UMOD: variants seen among roughly 807,000 people sequenced by gnomAD.
The protein encoded by UMOD is Tamm-Horsfall urinary glycoprotein.
In UMOD, 64 loss-of-function variants were observed where a neutral mutation model predicts 66.0. The ratio of observed to expected loss-of-function variants is 0.97; its 90% CI spans 0.79 to 1.19. UMOD has a LOEUF of 1.19. Among genes scored for constraint, UMOD ranks in the 50% most tolerant of loss-of-function variants. The probability of loss-of-function intolerance (pLI) is 0.00; values close to 1 mark genes in which losing one functional copy is unlikely to be tolerated. For missense variants in UMOD, 764 were observed against 850.9 expected (o/e 0.90, Z 1.27); for synonymous variants, 398 against 352.7 (o/e 1.13, Z -1.44).
intron 6 of UMOD, among the ~76,000 whole-genome samples, chr16:20,342,053 CAG>C (rs1693082387): frequency 6.6e-6 from 1 of 152,190 alleles, no homozygotes; most frequent in Non-Finnish European, 1.5e-5. Context: ...TAACTCGAGA[CAG>C]AGAGAGGGAC....
chr16:20,346,139 C>T lies in UMOD; in HGVS notation c.1169G>A (p.Gly390Glu), dbSNP rs1293467839. The T allele has an allele frequency of 6.2e-7, 1 of 1,613,926 alleles. No homozygotes were observed. The highest frequency in any genetic ancestry group is 1.1e-5 in the South Asian group (1 of 91,070). The stretch of plus-strand genomic sequence containing the variant: ...GCCAGGACGTACCGTCAACACTGTC[C>T]CACAGGGGCCATCCCGGGCTGGGGT... ...VVTPARDGPC[G>E]TVLTRNETHA... The change falls in exon 5 of 11, where the codon GGG (glycine) becomes GAG (glutamate). Residue 390 changes from glycine (G) to glutamate (E), a missense_variant. Gly to Glu is a moderately conservative substitution (Grantham distance 98). Coordinates refer to ENST00000396138, the MANE Select transcript of UMOD (RefSeq NM_003361.4).
At chr16:20,345,741 C>T (rs1160556531) in intron 5 of UMOD, among the ~76,000 whole-genome samples, 1 of 151,976 alleles carries the variant, frequency 6.6e-6, no homozygotes, top group African/African-American at 2.4e-5. Flanking sequence ...CAGACCTTGC[C>T]TTCCAGGACC....
intron 7 of UMOD, among the ~76,000 whole-genome samples, chr16:20,339,774 T>C (rs1965083858): frequency 6.6e-6 from 1 of 152,264 alleles, no homozygotes; most frequent in Non-Finnish European, 1.5e-5. Flanking sequence ...GCCCTCCCCC[T>C]TTAGAATATA....
intron 4 of UMOD, 88 bp downstream of exon 4, chr16:20,348,135 T>A (rs1965684994): frequency 6.0e-6 from 7 of 1,168,126 alleles, no homozygotes; most frequent in Non-Finnish European, 8.9e-6. Flanking sequence ...CATACCCATA[T>A]GGCCCCAATC....
At position 20,333,125 on chromosome 16, in the gene UMOD, T is replaced by A. The variant is rs1964682377; in HGVS notation, c.*189A>T. The A allele has an allele frequency of 4.6e-6, 3 of 650,588 alleles. No homozygotes were observed. The highest frequency in any genetic ancestry group is 5.6e-6 in the Non-Finnish European group (2 of 356,874). 40.3% of individuals were successfully genotyped at this position (650,588 alleles called of 1,614,324 possible). On this transcript the variant is annotated 3_prime_UTR_variant, in exon 11 of 11. Transcript: ENST00000396138. ...CTCAGGTACACCGTCACAAGTCCCA[T>A]TTTGAGAAAAAGCAGCATTTAAAGA...
At chr16:20,341,420 A>G (rs1004704011) in intron 6 of UMOD, 84 bp from the exon 7 acceptor site, 6 of 1,591,912 alleles carry the variant, frequency 3.8e-6, no homozygotes, top group Non-Finnish European at 5.1e-6. Flanking sequence ...ATTCCTAGGC[A>G]GTCCCTTGCA....
At chr16:20,353,148 C>T (rs1244351109), upstream of UMOD, among the ~76,000 whole-genome samples, 1 of 152,090 alleles carries the variant, frequency 6.6e-6, no homozygotes, top group Non-Finnish European at 1.5e-5. Context: ...GGGAGGTGCA[C>T]CTGTCTTGGA....
intron 6 of UMOD, among the ~76,000 whole-genome samples, chr16:20,343,194 T>C (rs1419552760): frequency 6.6e-6 from 1 of 151,436 alleles, no homozygotes; most frequent in East Asian, 1.9e-4. Context: ...ACTATAATTT[T>C]CCATCATTGG....
chr16:20,341,387 A>G, intron 6 of UMOD, 51 bp from the exon 7 acceptor site: 2 of 1,606,574 alleles, frequency 1.2e-6, no homozygotes, highest in Non-Finnish European at 1.7e-6. Flanking sequence ...ACATCTGCAG[A>G]TAGGCCACCT....
At chr16:20,350,060 C>A (rs1233264508) in intron 2 of UMOD, among the ~76,000 whole-genome samples, 1 of 152,000 alleles carries the variant, frequency 6.6e-6, no homozygotes, top group South Asian at 2.1e-4. Context: ...AGGGATTAAG[C>A]CCCTTACTCC....
intron 10 of UMOD, 94 bp from the exon 11 acceptor site, chr16:20,333,469 G>A: frequency 8.5e-7 from 1 of 1,174,878 alleles, no homozygotes; most frequent in Non-Finnish European, 1.2e-6. Flanking sequence ...CCAATCAGAA[G>A]AGGACACCCT....
chr16:20,348,895 C>G lies in UMOD; in HGVS notation c.406G>C (p.Val136Leu). Residue 136 changes from valine (V) to leucine (L), a missense_variant, in exon 3 of 11, where the codon GTA (valine) becomes CTA (leucine). Val to Leu is a conservative substitution (Grantham distance 32). Coordinates refer to ENST00000396138, the MANE Select transcript of UMOD (RefSeq NM_003361.4). ...CVNVVGSYLC[V>L]CPAGYRGDGW... ...TCCCCCCGGTAGCCCGCGGGGCATA[C>G]GCACAAGTAGCTGCCCACCACATTG... 1 of 1,556,972 alleles carries G rather than the reference C, an allele frequency of 6.4e-7. No individual in the cohort carries two copies. Among genetic ancestry groups the G allele is most frequent in the South Asian group, 1.2e-5 (1 of 84,666 alleles).
chr16:20,345,480 TTCCC>T (rs1358004978), intron 5 of UMOD, among the ~76,000 whole-genome samples: 24 of 28,232 alleles, frequency 8.5e-4, no homozygotes, highest in East Asian at 7.2e-3. Context: ...CCTTCCTTCC[TTCCC>T]TCCCTCCCTC....
chr16:20,351,971 T>C (rs1413414116), intron 1 of UMOD, among the ~76,000 whole-genome samples: 1 of 147,308 alleles, frequency 6.8e-6, no homozygotes, highest in Non-Finnish European at 1.5e-5. Context: ...TGAGCTGAGA[T>C]CGTGCCACTG....
At chr16:20,353,725 G>C (rs1253775884), upstream of UMOD, among the ~76,000 whole-genome samples, 1 of 151,754 alleles carries the variant, frequency 6.6e-6, no homozygotes, top group Non-Finnish European at 1.5e-5. Context: ...AACTTGGGCT[G>C]AGCAGGAAAA....
At chr16:20,347,093 G>T (rs1965630230) in intron 4 of UMOD, among the ~76,000 whole-genome samples, 1 of 152,050 alleles carries the variant, frequency 6.6e-6, no homozygotes, top group South Asian at 2.1e-4. Flanking sequence ...TGCCATCTTG[G>T]CTCACTGCAA....
rs375140145 is a variant in UMOD at position 20,346,108 on chromosome 16, C to A, written c.1182+18G>T. The A allele has an allele frequency of 2.5e-6, 4 of 1,611,370 alleles. No individual in the cohort carries two copies. The highest frequency in any genetic ancestry group is 1.1e-5 in the South Asian group (1 of 90,974). ...CCAGGCAGTGCTCTGGTTCTGTCCCCCACTGGCCAGGACGTACCGTCAACA... is the reference window on the plus strand; with the variant it reads ...CCAGGCAGTGCTCTGGTTCTGTCCCACACTGGCCAGGACGTACCGTCAACA... On this transcript the variant is annotated intron_variant, in intron 5 of 10. Coordinates refer to ENST00000396138, the MANE Select transcript of UMOD (RefSeq NM_003361.4).
chr16:20,346,542 C>T (rs1965596573), intron 4 of UMOD, among the ~76,000 whole-genome samples: 3 of 152,216 alleles, frequency 2.0e-5, no homozygotes, highest in Admixed American at 1.3e-4. Flanking sequence ...ACCACTCAGT[C>T]TTGGGTTCCC....
upstream of UMOD, among the ~76,000 whole-genome samples, chr16:20,354,489 A>G (rs551399787): frequency 2.0e-4 from 31 of 152,210 alleles, no homozygotes; most frequent in Admixed American, 4.6e-4. Flanking sequence ...CATTTTTGCA[A>G]TTCTTTGATG....
Sources: gnomAD v4.1 joint callset for allele counts (sites outside exome capture counted in the v4.1 genomes callset) on GRCh38, gnomAD v4.1.1 for gene constraint, MANE v1.5 for transcripts, NCBI Gene and HGNC (gene_info 2026-07-23, HGNC 2026-07-21) for gene names.